BAZ2B: variants seen among roughly 807,000 people sequenced by gnomAD.
BAZ2B encodes the protein bromodomain adjacent to zinc finger domain 2B, also known as bromodomain adjacent to zinc finger domain protein 2B.
BAZ2B carries 91 observed loss-of-function variants against 246.0 expected under a neutral mutation model. The ratio of observed to expected loss-of-function variants is 0.37; its 90% CI spans 0.31 to 0.44. BAZ2B has a LOEUF of 0.44. Ranked by LOEUF, BAZ2B falls within the 20% of genes least tolerant of loss-of-function variation. The probability of loss-of-function intolerance (pLI) is 1.00; values close to 1 mark genes in which losing one functional copy is unlikely to be tolerated. For missense variants in BAZ2B, 2,332 were observed against 2,533.7 expected, an observed-to-expected ratio of 0.92 and a Z score of 1.71; for synonymous variants, 855 against 860.0, an observed-to-expected ratio of 0.99 and a Z score of 0.10.
chr2:159,389,937 C>A (rs1208207482), intron 20 of BAZ2B, among the ~76,000 whole-genome samples: 1 of 152,076 alleles, frequency 6.6e-6, no homozygotes, highest in Non-Finnish European at 1.5e-5. Context: ...CCACCATAAA[C>A]AACACTTAAG....
the BAZ2B span, among the ~76,000 whole-genome samples, chr2:159,696,763 G>C: frequency 5.3e-5 from 8 of 152,220 alleles, no homozygotes; most frequent in East Asian, 1.5e-3. Flanking sequence ...ATTAACATAT[G>C]GTTATATGCA....
intron 2 of BAZ2B, among the ~76,000 whole-genome samples, chr2:159,498,752 T>C (rs2081410793): frequency 6.6e-6 from 1 of 152,214 alleles, no homozygotes; most frequent in African/African-American, 2.4e-5. Context: ...AATTATGTAT[T>C]AACTTATTGT....
At chr2:159,493,469 G>A (rs1285740974) in intron 2 of BAZ2B, among the ~76,000 whole-genome samples, 3 of 152,104 alleles carry the variant, frequency 2.0e-5, no homozygotes, top group Non-Finnish European at 4.4e-5. Context: ...CAGCTTTAGG[G>A]CAGATACTAC....
chr2:159,368,224 T>C (rs970195205), intron 27 of BAZ2B, among the ~76,000 whole-genome samples: 1 of 152,144 alleles, frequency 6.6e-6, no homozygotes, highest in African/African-American at 2.4e-5. Context: ...GCCATATATA[T>C]GTGATTTTAG....
intron 1 of BAZ2B, among the ~76,000 whole-genome samples, chr2:159,581,136 C>T (rs1041594648): frequency 1.3e-5 from 2 of 152,028 alleles, no homozygotes; most frequent in African/African-American, 4.8e-5. Flanking sequence ...AGGCAACCTA[C>T]AGAATGGGAG....
At chr2:159,340,102 A>T (rs2066373849) in intron 31 of BAZ2B, among the ~76,000 whole-genome samples, 1 of 152,158 alleles carries the variant, frequency 6.6e-6, no homozygotes, top group Non-Finnish European at 1.5e-5. Flanking sequence ...CTAGAGCTAA[A>T]TAATTCAATG....
At chr2:159,638,729 T>C in the BAZ2B span, among the ~76,000 whole-genome samples, 3 of 149,952 alleles carry the variant, frequency 2.0e-5, no homozygotes, top group Non-Finnish European at 3.0e-5. Context: ...AAAATAAAAA[T>C]ACAATGAGGC....
chr2:159,330,649 A>G (rs1041724343), intron 34 of BAZ2B, among the ~76,000 whole-genome samples: 1 of 151,956 alleles, frequency 6.6e-6, no homozygotes, highest in East Asian at 1.9e-4. Flanking sequence ...AGCTGAGCCC[A>G]GGAGTTTGAG....
At chr2:159,487,776 C>A (rs2079999788) in intron 2 of BAZ2B, among the ~76,000 whole-genome samples, 1 of 148,940 alleles carries the variant, frequency 6.7e-6, no homozygotes, top group African/African-American at 2.5e-5. Context: ...TTAATCCAAT[C>A]AGATAAAGAA....
chr2:159,631,314 T>G, the BAZ2B span, among the ~76,000 whole-genome samples: 1 of 152,236 alleles, frequency 6.6e-6, no homozygotes, highest in Non-Finnish European at 1.5e-5. Context: ...TGTATTAGAA[T>G]GAACTCATTT....
chr2:159,587,855 G>A (rs904344289), intron 1 of BAZ2B, among the ~76,000 whole-genome samples: 1 of 152,088 alleles, frequency 6.6e-6, no homozygotes, highest in African/African-American at 2.4e-5. Context: ...GCTCAATGCT[G>A]CAATGAATTG....
the BAZ2B span, among the ~76,000 whole-genome samples, chr2:159,657,443 G>T: frequency 6.6e-6 from 1 of 152,058 alleles, no homozygotes; most frequent in Non-Finnish European, 1.5e-5. Context: ...TGGCTTTTCT[G>T]CATCTTTTGT....
At chr2:159,530,533 G>C (rs116066898) in intron 2 of BAZ2B, among the ~76,000 whole-genome samples, 5,234 of 151,986 alleles carry the variant, frequency 0.034, 139 homozygotes, top group Middle Eastern at 0.065. Context: ...ACCCAAATAA[G>C]TTAACACAAG....
At chr2:159,438,737 A>T (rs372871434) in intron 7 of BAZ2B, 42 bp from the exon 8 acceptor site, 87 of 1,523,260 alleles carry the variant, frequency 5.7e-5, no homozygotes, top group Non-Finnish European at 6.6e-5. Flanking sequence ...ACATCTATTA[A>T]GACAAAGACT....
chr2:159,440,061 C>T (rs12474624), intron 6 of BAZ2B, among the ~76,000 whole-genome samples: 50,286 of 151,864 alleles, frequency 0.33, 9,889 homozygotes, highest in Non-Finnish European at 0.47. Context: ...AATTAACAAA[C>T]CAATCAATTA....
At chr2:159,652,205 T>C in the BAZ2B span, among the ~76,000 whole-genome samples, 1 of 137,968 alleles carries the variant, frequency 7.2e-6, no homozygotes, top group Non-Finnish European at 1.5e-5. Context: ...CATCACTTGT[T>C]ACTCTCTTTT....
chr2:159,341,008 G>A (rs1344014818), intron 31 of BAZ2B, among the ~76,000 whole-genome samples: 1 of 152,026 alleles, frequency 6.6e-6, no homozygotes, highest in South Asian at 2.1e-4. Context: ...AATGACAGGA[G>A]TAAGCACTCA....
chr2:159,597,533 T>A (rs909201436), intron 1 of BAZ2B, among the ~76,000 whole-genome samples: 3 of 152,222 alleles, frequency 2.0e-5, no homozygotes, highest in African/African-American at 7.2e-5. Context: ...TCTTACTTTT[T>A]AAAATTTTTT....
intron 27 of BAZ2B, among the ~76,000 whole-genome samples, chr2:159,367,721 T>A (rs566191457): frequency 8.6e-5 from 13 of 151,796 alleles, no homozygotes; most frequent in Non-Finnish European, 1.6e-4. Flanking sequence ...CCATCTCTAC[T>A]AAAAAAATAC....
Sources: gnomAD v4.1 joint callset for allele counts (sites outside exome capture counted in the v4.1 genomes callset) on GRCh38, gnomAD v4.1.1 for gene constraint, MANE v1.5 for transcripts, NCBI Gene and HGNC (gene_info 2026-07-23, HGNC 2026-07-21) for gene names.